The following DROSHA variants were observed in gnomAD, a reference collection of about 807,000 sequenced individuals.
The protein encoded by DROSHA is drosha ribonuclease III.
In DROSHA, 56 loss-of-function variants were observed where a neutral mutation model predicts 181.9. That is an observed-to-expected ratio of 0.31 (90% confidence interval 0.25 to 0.38). The LOEUF (loss-of-function observed/expected upper bound fraction) is 0.38, where lower values mean the gene tolerates loss of function less well. DROSHA is among the 10% of genes least tolerant of loss of function. DROSHA has a pLI of 1.00. For missense variants in DROSHA, 1,218 were observed against 1,743.5 expected, an observed-to-expected ratio of 0.70 and a Z score of 5.37; for synonymous variants, 524 against 591.2, an observed-to-expected ratio of 0.89 and a Z score of 1.65.
Position 31,466,299 on chromosome 5 carries a change from C to T in DROSHA, c.2367-18G>A. Reference sequence around the variant, plus strand: ...TTTGGTACCTAAGGAAAAGGACAGGCAAACATCTCAGGTAAAGAGGAGGTA... The same window carrying T: ...TTTGGTACCTAAGGAAAAGGACAGGTAAACATCTCAGGTAAAGAGGAGGTA... On this transcript the variant is annotated intron_variant, in intron 18 of 35. Transcript: ENST00000344624. The T allele has an allele frequency of 6.2e-7, 1 of 1,610,050 alleles. No individual in the cohort carries two copies. The highest frequency in any genetic ancestry group is 8.5e-7 in the Non-Finnish European group (1 of 1,176,576).
At chr5:31,494,437 A>G (rs1402983842) in intron 12 of DROSHA, among the ~76,000 whole-genome samples, 2 of 152,214 alleles carry the variant, frequency 1.3e-5, no homozygotes, top group Non-Finnish European at 2.9e-5. Flanking sequence ...TTGTTTTGCC[A>G]ATATTATTGT....
intron 20 of DROSHA, among the ~76,000 whole-genome samples, chr5:31,463,564 T>C (rs1182903621): frequency 1.3e-5 from 2 of 152,182 alleles, no homozygotes; most frequent in East Asian, 1.9e-4. Flanking sequence ...GTAATTCTCA[T>C]GGACTTCATC....
chr5:31,488,405 T>A, intron 13 of DROSHA, among the ~76,000 whole-genome samples: 2 of 100,844 alleles, frequency 2.0e-5, no homozygotes, highest in African/African-American at 4.2e-5. Flanking sequence ...AGAGCAAAAC[T>A]CTATCACCAA....
At chr5:31,504,404 G>T in intron 11 of DROSHA, 151 bp downstream of exon 11, 1 of 840,252 alleles carries the variant, frequency 1.2e-6, no homozygotes, top group Non-Finnish European at 1.8e-6. Context: ...AAACCCAAGT[G>T]CTTTCCTCTG....
At chr5:31,484,314 C>CT (rs1308184819) in intron 15 of DROSHA, among the ~76,000 whole-genome samples, 1 of 135,438 alleles carries the variant, frequency 7.4e-6, no homozygotes, top group Non-Finnish European at 1.5e-5. Flanking sequence ...GCGGAGCTTG[C>CT]AGTGAGCCGA....
intron 16 of DROSHA, among the ~76,000 whole-genome samples, chr5:31,476,296 C>T (rs1320692050): frequency 6.6e-6 from 1 of 152,132 alleles, no homozygotes; most frequent in Non-Finnish European, 1.5e-5. Context: ...ATCTGGGAGG[C>T]AGGGATTGCT....
intron 35 of DROSHA, among the ~76,000 whole-genome samples, chr5:31,401,921 T>G (rs924804990): frequency 3.9e-5 from 6 of 152,108 alleles, no homozygotes; most frequent in African/African-American, 1.4e-4. Context: ...CTGGGAGAGA[T>G]GAAAGGATAC....
At chr5:31,497,739 C>G (rs1356065793) in intron 11 of DROSHA, among the ~76,000 whole-genome samples, 1 of 152,218 alleles carries the variant, frequency 6.6e-6, no homozygotes, top group Non-Finnish European at 1.5e-5. Flanking sequence ...ATCACCATCC[C>G]CAGCTGTCGT....
chr5:31,512,969 G>A (rs976646171), intron 8 of DROSHA, among the ~76,000 whole-genome samples: 1 of 152,230 alleles, frequency 6.6e-6, no homozygotes, highest in Non-Finnish European at 1.5e-5. Context: ...ACATCCTGAT[G>A]GAGCCAGTGA....
intron 30 of DROSHA, among the ~76,000 whole-genome samples, chr5:31,415,864 T>A (rs1469463654): frequency 6.6e-6 from 1 of 152,202 alleles, no homozygotes; most frequent in Admixed American, 6.5e-5. Flanking sequence ...TCACAATTTA[T>A]ACCTTGACCC....
At chr5:31,404,218 C>A (rs7701385) in intron 35 of DROSHA, among the ~76,000 whole-genome samples, 198 of 152,200 alleles carry the variant, frequency 1.3e-3, no homozygotes, top group African/African-American at 4.5e-3. Flanking sequence ...TATGGATATG[C>A]AGGCCTGTCT....
At chr5:31,520,734 T>C (rs766346303) in intron 6 of DROSHA, among the ~76,000 whole-genome samples, 1 of 152,154 alleles carries the variant, frequency 6.6e-6, no homozygotes, top group Non-Finnish European at 1.5e-5. Flanking sequence ...CCTTTAAGTT[T>C]TGGGTGATAG....
chr5:31,495,377 G>C lies in DROSHA; in HGVS notation c.1669-5C>G. The C allele has an allele frequency of 6.2e-7, 1 of 1,610,672 alleles. No individual in the cohort carries two copies. The highest frequency in any genetic ancestry group is 8.5e-7 in the Non-Finnish European group (1 of 1,178,938). Reference sequence around the variant, plus strand: ...AGGACGACAGGGCTTGATGGCCTGAGGGGAAAAAAACGAAAATCAGTTTAC... The same window carrying C: ...AGGACGACAGGGCTTGATGGCCTGACGGGAAAAAAACGAAAATCAGTTTAC... On this transcript the variant is annotated splice_polypyrimidine_tract_variant and splice_region_variant and intron_variant, in intron 11 of 35. Transcript: ENST00000344624.
intron 4 of DROSHA, 63 bp downstream of exon 4, chr5:31,528,977 G>A: frequency 6.3e-7 from 1 of 1,598,864 alleles, no homozygotes; most frequent in Admixed American, 1.7e-5. Context: ...CTATAGCCCA[G>A]CACCAATGTC....
chr5:31,451,515 C>G lies in DROSHA; in HGVS notation c.2682+18G>C, dbSNP rs940843496. On this transcript the variant is annotated intron_variant, in intron 21 of 35. Transcript: ENST00000344624. ...CCTATCTTGTTATTATGTGAGTTTA[C>G]AGGAGAATAATTCTTACCTGCAACA... The G allele has an allele frequency of 2.5e-6, 4 of 1,586,280 alleles. No individual in the cohort carries two copies. Among genetic ancestry groups the G allele is most frequent in the Admixed American group, 1.7e-5 (1 of 58,382 alleles).
intron 34 of DROSHA, among the ~76,000 whole-genome samples, chr5:31,406,338 CTG>C (rs1329338348): frequency 6.6e-6 from 1 of 151,996 alleles, no homozygotes; most frequent in Admixed American, 6.6e-5. Flanking sequence ...TGGTAAAACC[CTG>C]TCTCTACTAA....
At chr5:31,528,929 T>G in intron 4 of DROSHA, 111 bp downstream of exon 4, 1 of 1,403,936 alleles carries the variant, frequency 7.1e-7, no homozygotes, top group Non-Finnish European at 9.8e-7. Context: ...ATGAGCACAT[T>G]ATCCCCTCTC....
intron 20 of DROSHA, among the ~76,000 whole-genome samples, chr5:31,459,504 T>G (rs910132997): frequency 6.6e-6 from 1 of 151,384 alleles, no homozygotes; most frequent in African/African-American, 2.4e-5. Flanking sequence ...ACGCTCCAAT[T>G]AAAAAATCAA....
chr5:31,430,545 G>A (rs1440878391), intron 26 of DROSHA, among the ~76,000 whole-genome samples: 1 of 152,206 alleles, frequency 6.6e-6, no homozygotes, highest in African/African-American at 2.4e-5. Flanking sequence ...CACAGATGAG[G>A]AAACTGAGGA....
Sources: gnomAD v4.1 joint callset for allele counts (sites outside exome capture counted in the v4.1 genomes callset) on GRCh38, gnomAD v4.1.1 for gene constraint, MANE v1.5 for transcripts, NCBI Gene and HGNC (gene_info 2026-07-23, HGNC 2026-07-21) for gene names.